The following GNA14 variants were observed in gnomAD, a reference collection of about 807,000 sequenced individuals.
GNA14 encodes the protein guanine nucleotide-binding protein subunit alpha-14.
Under a neutral mutation model 42.0 loss-of-function variants are expected in GNA14, and 50 were observed. The observed-to-expected ratio is 1.19, with a 90% CI of 0.95 to 1.51. GNA14 has a LOEUF of 1.51. Ranked by LOEUF, GNA14 falls within the 40% of genes most tolerant of loss-of-function variation. The pLI, the probability that GNA14 is intolerant of heterozygous loss-of-function variation, is 0.00. For synonymous variants in GNA14, 173 were observed against 163.1 expected (o/e 1.06, Z -0.46); for missense variants, 473 against 446.2 (o/e 1.06, Z -0.54).
chr9:77,520,953 G>A (rs1302796378), intron 2 of GNA14, among the ~76,000 whole-genome samples: 1 of 152,150 alleles, frequency 6.6e-6, no homozygotes, highest in Non-Finnish European at 1.5e-5. Context: ...AGGCTTAAAG[G>A]GTAGTGGGTG....
chr9:77,506,414 C>G lies in GNA14; in HGVS notation c.309+22655G>C, dbSNP rs185361421. Among the ~76,000 whole-genome samples the G allele has an allele frequency of 1.9e-3, 287 of 152,242 alleles. 1 individual carries two copies. Among genetic ancestry groups the G allele is most frequent in the Non-Finnish European group, 2.6e-3 (177 of 68,020 alleles). ...TCATGAGAGGCCGGGCGCAGTGGCT[C>G]ATGCCTGTAATCCCAGCACTTTGGG... On this transcript the variant is annotated intron_variant, in intron 2 of 6. Coordinates refer to ENST00000341700, the MANE Select transcript of GNA14 (RefSeq NM_004297.4).
chr9:77,520,447 G>A (rs775605003), intron 2 of GNA14, among the ~76,000 whole-genome samples: 25 of 152,184 alleles, frequency 1.6e-4, no homozygotes, highest in Non-Finnish European at 2.6e-4. Flanking sequence ...CGGATCTAAC[G>A]AGCATGTTCC....
chr9:77,475,114 G>A (rs1240515453), intron 2 of GNA14, among the ~76,000 whole-genome samples: 2 of 152,008 alleles, frequency 1.3e-5, no homozygotes, highest in Non-Finnish European at 2.9e-5. Context: ...CAAGCCCAGA[G>A]GCAATGAAGA....
intron 2 of GNA14, among the ~76,000 whole-genome samples, chr9:77,509,970 G>T (rs1290022021): frequency 1.3e-5 from 2 of 152,150 alleles, no homozygotes; most frequent in African/African-American, 4.8e-5. Flanking sequence ...GTTTTCTTGT[G>T]ATAGAATTCA....
chr9:77,583,650 T>A (rs1471889061), intron 1 of GNA14, among the ~76,000 whole-genome samples: 3 of 152,166 alleles, frequency 2.0e-5, no homozygotes, highest in African/African-American at 7.2e-5. Flanking sequence ...CATCATCTCT[T>A]CTCCAAGCTT....
chr9:77,624,340 C>A (rs1359538909), intron 1 of GNA14, among the ~76,000 whole-genome samples: 1 of 152,214 alleles, frequency 6.6e-6, no homozygotes, highest in African/African-American at 2.4e-5. Flanking sequence ...GCTGTGGGTG[C>A]AGCTTCAGCA....
intron 2 of GNA14, among the ~76,000 whole-genome samples, chr9:77,475,827 C>T (rs565115794): frequency 2.0e-5 from 3 of 152,138 alleles, no homozygotes; most frequent in African/African-American, 4.8e-5. Context: ...AGGAGACCTA[C>T]GTGGGCTCTA....
chr9:77,567,782 G>A (rs1403110055), intron 1 of GNA14, among the ~76,000 whole-genome samples: 2 of 152,266 alleles, frequency 1.3e-5, no homozygotes, highest in East Asian at 3.9e-4. Context: ...CAGGAGAATC[G>A]CTTGAGCCCA....
In GNA14 at chr9:77,647,975, GCT is replaced by G; in HGVS notation, c.-184_-183del. Reference sequence around the variant, plus strand: ...AGGCTCAATCCCCCTTCGAAAGTCGGCTCTGAGGCGGGGTGAATGCCGAGCGC... The same window carrying G: ...AGGCTCAATCCCCCTTCGAAAGTCGGCTGAGGCGGGGTGAATGCCGAGCGC... On this transcript the variant is annotated 5_prime_UTR_variant, in exon 1 of 7. Coordinates refer to ENST00000341700, the MANE Select transcript of GNA14 (RefSeq NM_004297.4). 1.5e-6 allele frequency: 1 copy of G among 666,880 alleles called. No individual in the cohort carries two copies. Among genetic ancestry groups the G allele is most frequent in the Non-Finnish European group, 2.4e-6 (1 of 411,114 alleles). 41.3% of individuals were successfully genotyped at this position (666,880 alleles called of 1,614,324 possible). A position where few individuals can be genotyped will look rare whatever the true frequency, so the allele number is the denominator to read the frequency against.
At chr9:77,536,924 G>C (rs1837605789) in intron 1 of GNA14, among the ~76,000 whole-genome samples, 2 of 152,028 alleles carry the variant, frequency 1.3e-5, no homozygotes, top group Non-Finnish European at 2.9e-5. Context: ...TGCCATATGT[G>C]CATTTTTTTT....
At chr9:77,498,256 C>T (rs1404300425) in intron 2 of GNA14, among the ~76,000 whole-genome samples, 1 of 151,258 alleles carries the variant, frequency 6.6e-6, no homozygotes, top group Non-Finnish European at 1.5e-5. Context: ...GCCTGTAATC[C>T]CAGCTACTTG....
intron 1 of GNA14, among the ~76,000 whole-genome samples, chr9:77,570,067 T>C (rs1823038257): frequency 6.6e-6 from 1 of 152,162 alleles, no homozygotes; most frequent in African/African-American, 2.4e-5. Context: ...GCAAAAATCA[T>C]GGAAGCGAAA....
intron 1 of GNA14, among the ~76,000 whole-genome samples, chr9:77,569,985 T>C (rs567934693): frequency 6.6e-6 from 1 of 152,060 alleles, no homozygotes; most frequent in Admixed American, 6.6e-5. Context: ...CAGTCTGATC[T>C]CGAACTCTTG....
At chr9:77,589,500 A>G (rs1240893538) in intron 1 of GNA14, among the ~76,000 whole-genome samples, 1 of 152,130 alleles carries the variant, frequency 6.6e-6, no homozygotes, top group Non-Finnish European at 1.5e-5. Context: ...GATATCACTT[A>G]TATTTCATTC....
chr9:77,456,918 A>T (rs1407523071), intron 2 of GNA14, among the ~76,000 whole-genome samples: 2 of 152,236 alleles, frequency 1.3e-5, no homozygotes, highest in African/African-American at 4.8e-5. Flanking sequence ...ACAGCTGACG[A>T]GTTTACGTAC....
chr9:77,473,976 C>T (rs1305388083), intron 2 of GNA14, among the ~76,000 whole-genome samples: 1 of 152,088 alleles, frequency 6.6e-6, no homozygotes, highest in Non-Finnish European at 1.5e-5. Context: ...GAAACTGGAT[C>T]CCTACCTCAT....
intron 2 of GNA14, among the ~76,000 whole-genome samples, chr9:77,525,349 CCTT>C (rs1234787649): frequency 3.9e-5 from 6 of 152,116 alleles, no homozygotes; most frequent in Non-Finnish European, 7.3e-5. Flanking sequence ...TTCCATTCGA[CCTT>C]CTGCCTCTCC....
At chr9:77,447,932 T>C (rs1835849234) in intron 2 of GNA14, among the ~76,000 whole-genome samples, 1 of 152,206 alleles carries the variant, frequency 6.6e-6, no homozygotes, top group Non-Finnish European at 1.5e-5. Flanking sequence ...ATTTGGTGAA[T>C]GGAGAGCATG....
At chr9:77,476,606 T>C (rs911305528) in intron 2 of GNA14, among the ~76,000 whole-genome samples, 1 of 152,214 alleles carries the variant, frequency 6.6e-6, no homozygotes, top group African/African-American at 2.4e-5. Context: ...CTTCAACACA[T>C]ATGCTCTCTC....
Sources: allele counts gnomAD v4.1 joint callset (sites outside exome capture counted in the v4.1 genomes callset), GRCh38; gene constraint gnomAD v4.1.1; transcripts MANE v1.5; gene names NCBI Gene and HGNC (gene_info 2026-07-23, HGNC 2026-07-21).